PCLO: variants seen among roughly 807,000 people sequenced by gnomAD.
PCLO encodes the protein protein piccolo.
In PCLO, 82 loss-of-function variants were observed where a neutral mutation model predicts 427.5. That is an observed-to-expected ratio of 0.19 (90% CI 0.16 to 0.23). The LOEUF (loss-of-function observed/expected upper bound fraction) is 0.23. Among genes scored for constraint, PCLO ranks in the 10% least tolerant of loss-of-function variants. The pLI is 1.00. For synonymous variants in PCLO, 2,357 were observed against 2,155.4 expected (o/e 1.09, Z -2.59); for missense variants, 6,239 against 6,115.9 (o/e 1.02, Z -0.67).
intron 3 of PCLO, among the ~76,000 whole-genome samples, chr7:83,120,358 G>A (rs6467935): frequency 0.49 from 70,774 of 145,310 alleles, 18,011 homozygotes; most frequent in East Asian, 0.68. Context: ...CCAAGATCAT[G>A]TCACTGCACT....
intron 3 of PCLO, among the ~76,000 whole-genome samples, chr7:83,126,936 A>G (rs1198069713): frequency 6.6e-6 from 1 of 152,142 alleles, no homozygotes; most frequent in African/African-American, 2.4e-5. Flanking sequence ...TGGCAGGACT[A>G]TAATTATTAT....
chr7:83,088,522 AT>A (rs1357341112), intron 3 of PCLO, among the ~76,000 whole-genome samples: 8 of 152,172 alleles, frequency 5.3e-5, no homozygotes, highest in African/African-American at 1.9e-4. Context: ...AGATCAAGAA[AT>A]GTACTAGACC....
At chr7:82,783,169 C>G (rs960911139) in intron 22 of PCLO, among the ~76,000 whole-genome samples, 2 of 152,212 alleles carry the variant, frequency 1.3e-5, no homozygotes, top group Admixed American at 6.5e-5. Context: ...TGAGGCTGGT[C>G]TTTCCTGAGA....
At chr7:82,970,096 C>CA in intron 3 of PCLO, among the ~76,000 whole-genome samples, 1 of 151,896 alleles carries the variant, frequency 6.6e-6, no homozygotes, top group East Asian at 1.9e-4. Flanking sequence ...TGAGGCACAG[C>CA]AAAAATCATA....
chr7:82,954,470 C>A lies in PCLO; in HGVS notation c.6483G>T (p.Ser2161=). ...AAGGCTCCGAGTAGGTCAAAATCAGCGATTCATGGGCAATTATCTCTTGAA... is the reference window on the plus strand; with the variant it reads ...AAGGCTCCGAGTAGGTCAAAATCAGAGATTCATGGGCAATTATCTCTTGAA... The part of the protein sequence containing the change: ...REIQEIIAHE[S]LILTYSEPSE... The change falls in exon 5 of 25, where the codon TCG becomes TCT. Residue 2161 remains serine (S), a synonymous_variant. Transcript: ENST00000333891. 6.2e-7 allele frequency: 1 copy of A among 1,613,882 alleles called. No individual in the cohort carries two copies. The highest frequency in any genetic ancestry group is 1.1e-5 in the South Asian group (1 of 91,076).
chr7:82,759,562 T>C (rs1398330957), intron 24 of PCLO, among the ~76,000 whole-genome samples: 1 of 151,924 alleles, frequency 6.6e-6, no homozygotes, highest in East Asian at 1.9e-4. Flanking sequence ...CTACGTAATC[T>C]CTGTGAAATA....
rs1162723904 is a variant in PCLO, at chr7:82,827,915, C to T, written c.14301G>A (p.Glu4767=). The T allele has an allele frequency of 6.2e-7, 1 of 1,604,276 alleles. No homozygotes were observed. Among genetic ancestry groups the T allele is most frequent in the African/African-American group, 1.3e-5 (1 of 74,748 alleles). ...TTTTATAAATTACTGTTTGATTCCA[C>T]TCAGGATTAAGACTTTTCTGGACAT... ...TKHVQKSLNP[E]WNQTVIYKSI... is the part of the protein sequence containing the mutation. Residue 4767 remains glutamate (E), a synonymous_variant, in exon 17 of 25, where the codon GAG becomes GAA. Coordinates refer to ENST00000333891, the MANE Select transcript of PCLO (RefSeq NM_033026.6).
chr7:82,789,737 T>C (rs1231904728), intron 22 of PCLO, among the ~76,000 whole-genome samples: 1 of 152,152 alleles, frequency 6.6e-6, no homozygotes, highest in African/African-American at 2.4e-5. Flanking sequence ...ACATTCTACC[T>C]AATTCAAACT....
intron 16 of PCLO, among the ~76,000 whole-genome samples, chr7:82,833,429 C>A (rs930146681): frequency 1.3e-5 from 2 of 152,248 alleles, no homozygotes; most frequent in Non-Finnish European, 2.9e-5. Context: ...ACGACCCAGA[C>A]CTTTTCCTAG....
intron 20 of PCLO, among the ~76,000 whole-genome samples, chr7:82,811,560 A>G (rs934748834): frequency 7.3e-5 from 11 of 151,606 alleles, no homozygotes; most frequent in African/African-American, 2.7e-4. Context: ...CCCTTGAATT[A>G]TGTACAATCA....
chr7:82,810,967 C>T (rs1383434996), intron 20 of PCLO, among the ~76,000 whole-genome samples: 1 of 151,614 alleles, frequency 6.6e-6, no homozygotes, highest in Admixed American at 6.6e-5. Flanking sequence ...TACTAAATTC[C>T]AAAAAATTAG....
At chr7:82,853,283 T>C (rs959811816) in intron 10 of PCLO, among the ~76,000 whole-genome samples, 3 of 152,120 alleles carry the variant, frequency 2.0e-5, no homozygotes, top group Admixed American at 2.0e-4. Flanking sequence ...CCTACTTTCA[T>C]CAAAGCAGGC....
At chr7:83,120,529 T>C (rs7778147) in intron 3 of PCLO, among the ~76,000 whole-genome samples, 74,659 of 151,542 alleles carry the variant, frequency 0.49, 19,289 homozygotes, top group East Asian at 0.69. Context: ...AATAAGACTA[T>C]CTCAAGACAT....
intron 3 of PCLO, among the ~76,000 whole-genome samples, chr7:83,088,835 C>G (rs1402957596): frequency 6.6e-6 from 1 of 152,062 alleles, no homozygotes; most frequent in African/African-American, 2.4e-5. Flanking sequence ...TGAGGCCTCT[C>G]CTTACCTCAT....
At chr7:82,887,165 A>AT in intron 9 of PCLO, among the ~76,000 whole-genome samples, 1 of 152,028 alleles carries the variant, frequency 6.6e-6, no homozygotes, top group Non-Finnish European at 1.5e-5. Context: ...TATTCATACC[A>AT]TTTTTACAAC....
Position 82,954,316 on chromosome 7 carries a change from G to A in PCLO, c.6637C>T (p.Pro2213Ser), listed in dbSNP as rs1293860999. 2 of 1,613,252 alleles carry A rather than the reference G, an allele frequency of 1.2e-6. No individual in the cohort carries two copies. Among genetic ancestry groups the A allele is most frequent in the South Asian group, 1.1e-5 (1 of 91,078 alleles). ...TCAAATTTAGTTATCATGTCCACTG[G>A]CTCTGTATAAACTGTGGTTATGCTA... is the stretch of plus-strand genomic sequence containing the variant. ...LDSITTVYTE[P>S]VDMITKFEDS... Residue 2213 changes from proline to serine, a missense_variant, in exon 5 of 25, where the codon CCA (proline) becomes TCA (serine). Physicochemically the swap from Pro to Ser is moderately conservative, Grantham distance 74 (BLOSUM62 -1). Coordinates refer to ENST00000333891, the MANE Select transcript of PCLO (RefSeq NM_033026.6).
intron 22 of PCLO, among the ~76,000 whole-genome samples, chr7:82,783,613 C>A (rs1297009093): frequency 6.6e-6 from 1 of 151,922 alleles, no homozygotes; most frequent in East Asian, 1.9e-4. Context: ...TAGAGCGAGA[C>A]TCGGTCTCAA....
intron 16 of PCLO, among the ~76,000 whole-genome samples, chr7:82,828,920 G>A (rs189867586): frequency 2.6e-5 from 4 of 152,164 alleles, no homozygotes; most frequent in East Asian, 1.9e-4. Flanking sequence ...CTCTGTCTGG[G>A]GGTCTTGACA....
intron 4 of PCLO, among the ~76,000 whole-genome samples, chr7:82,958,773 C>T (rs1295250891): frequency 6.6e-6 from 1 of 152,154 alleles, no homozygotes; most frequent in Non-Finnish European, 1.5e-5. Flanking sequence ...ACTGAAGTGG[C>T]AAGCAATGGT....
Sources: allele counts gnomAD v4.1 joint callset (sites outside exome capture counted in the v4.1 genomes callset), GRCh38; gene constraint gnomAD v4.1.1; transcripts MANE v1.5; gene names NCBI Gene and HGNC (gene_info 2026-07-23, HGNC 2026-07-21).